Variants in CADM2 observed in about 807,000 individuals in gnomAD.
The protein encoded by CADM2 is cell adhesion molecule 2.
In CADM2, 12 loss-of-function variants were observed where a neutral mutation model predicts 49.8. That is an observed-to-expected ratio of 0.24 (90% CI 0.15 to 0.39). The LOEUF is 0.39. Ranked by LOEUF, CADM2 falls within the 10% of genes least tolerant of loss-of-function variation. CADM2 has a pLI of 1.00. For missense variants in CADM2, 378 were observed against 492.3 expected (o/e 0.77, Z 2.20); for synonymous variants, 214 against 175.4 (o/e 1.22, Z -1.74).
chr3:85,157,183 T>C (rs1403333672), intron 1 of CADM2, among the ~76,000 whole-genome samples: 2 of 151,894 alleles, frequency 1.3e-5, no homozygotes, highest in Non-Finnish European at 2.9e-5. Context: ...CTCAAGGAAA[T>C]AAAAGAGGAT....
intron 3 of CADM2, among the ~76,000 whole-genome samples, chr3:85,843,933 G>A (rs1160660557): frequency 2.6e-5 from 4 of 151,936 alleles, no homozygotes; most frequent in African/African-American, 9.7e-5. Flanking sequence ...CAAACCTGAT[G>A]CTCTTAGTTT....
At chr3:85,079,244 C>T (rs1485078367) in intron 1 of CADM2, among the ~76,000 whole-genome samples, 2 of 151,688 alleles carry the variant, frequency 1.3e-5, no homozygotes, top group Non-Finnish European at 3.0e-5. Context: ...TGCCAATGCA[C>T]ATATTATACT....
intron 1 of CADM2, among the ~76,000 whole-genome samples, chr3:85,464,508 T>C (rs1193704083): frequency 6.6e-6 from 1 of 152,160 alleles, no homozygotes; most frequent in Non-Finnish European, 1.5e-5. Flanking sequence ...AGTTGACATT[T>C]CAAAAATGTG....
chr3:85,360,896 G>C (rs1315532415), intron 1 of CADM2, among the ~76,000 whole-genome samples: 1 of 152,128 alleles, frequency 6.6e-6, no homozygotes, highest in Non-Finnish European at 1.5e-5. Flanking sequence ...CAGCTACAGG[G>C]AACCATCAGC....
chr3:85,242,019 A>G (rs2042541991), intron 1 of CADM2, among the ~76,000 whole-genome samples: 1 of 150,294 alleles, frequency 6.7e-6, no homozygotes, highest in South Asian at 2.1e-4. Context: ...TAGTCAAAAC[A>G]TCTTATTTCT....
chr3:85,548,843 G>T (rs1330003395), intron 1 of CADM2, among the ~76,000 whole-genome samples: 2 of 152,138 alleles, frequency 1.3e-5, no homozygotes, highest in Non-Finnish European at 2.9e-5. Context: ...GAAGGAGAAA[G>T]GTGTCTAATA....
At chr3:85,767,075 A>C (rs62261703) in intron 2 of CADM2, among the ~76,000 whole-genome samples, 12 of 152,220 alleles carry the variant, frequency 7.9e-5, no homozygotes, top group Non-Finnish European at 1.8e-4. Context: ...TATTCAATAC[A>C]CTTTACCCAA....
intron 1 of CADM2, among the ~76,000 whole-genome samples, chr3:85,412,947 C>T (rs2035725193): frequency 6.6e-6 from 1 of 151,400 alleles, no homozygotes. Flanking sequence ...CTAGACCATC[C>T]TGGCTAACAC....
Position 85,932,099 on chromosome 3 carries a change from G to C in CADM2, c.701-3668G>C, listed in dbSNP as rs543080312. Among the ~76,000 whole-genome samples, 82 of 151,474 alleles carry C rather than the reference G, an allele frequency of 5.4e-4. 1 individual carries two copies. Among genetic ancestry groups the C allele is most frequent in the Admixed American group, 7.9e-4 (12 of 15,116 alleles). On this transcript the variant is annotated intron_variant, in intron 6 of 9. Coordinates refer to ENST00000383699, the MANE Select transcript of CADM2 (RefSeq NM_001167675.2). ...GACCATTTACTATTTTGGCAAACTA[G>C]ATTAAAATAGTGGCTGTGGAACTAT...
At chr3:85,334,572 A>G (rs2045025846) in intron 1 of CADM2, among the ~76,000 whole-genome samples, 1 of 151,620 alleles carries the variant, frequency 6.6e-6, no homozygotes, top group South Asian at 2.1e-4. Context: ...TGGGTAATCA[A>G]CTTGACCTTA....
intron 1 of CADM2, among the ~76,000 whole-genome samples, chr3:85,046,827 T>G (rs1375823446): frequency 6.6e-6 from 1 of 152,114 alleles, no homozygotes; most frequent in Non-Finnish European, 1.5e-5. Flanking sequence ...ATTCATTACA[T>G]GTAAAGACTG....
At chr3:85,049,085 T>C (rs2035777138) in intron 1 of CADM2, among the ~76,000 whole-genome samples, 1 of 152,136 alleles carries the variant, frequency 6.6e-6, no homozygotes, top group African/African-American at 2.4e-5. Flanking sequence ...TGGTTAATTG[T>C]ATCATGTGGT....
At chr3:85,026,991 C>T (rs1479081662) in intron 1 of CADM2, among the ~76,000 whole-genome samples, 1 of 151,512 alleles carries the variant, frequency 6.6e-6, no homozygotes, top group Non-Finnish European at 1.5e-5. Context: ...TAGTTTTTCA[C>T]GACATGTCTT....
chr3:86,049,629 C>T (rs115784745), intron 8 of CADM2, among the ~76,000 whole-genome samples: 5,255 of 152,076 alleles, frequency 0.035, 181 homozygotes, highest in African/African-American at 0.085. Flanking sequence ...ACGAGAAATG[C>T]GATGCTGCCA....
chr3:85,328,370 T>A (rs2044813615), intron 1 of CADM2, among the ~76,000 whole-genome samples: 1 of 152,240 alleles, frequency 6.6e-6, no homozygotes, highest in Non-Finnish European at 1.5e-5. Context: ...TTCATTTAAA[T>A]ACATAAATCT....
At chr3:85,417,421 C>G (rs2035965646) in intron 1 of CADM2, among the ~76,000 whole-genome samples, 1 of 152,122 alleles carries the variant, frequency 6.6e-6, no homozygotes, top group Non-Finnish European at 1.5e-5. Context: ...GTACTTGGCT[C>G]TTCTTTGGGA....
At chr3:85,414,553 T>A (rs1291421890) in intron 1 of CADM2, among the ~76,000 whole-genome samples, 1 of 152,172 alleles carries the variant, frequency 6.6e-6, no homozygotes, top group African/African-American at 2.4e-5. Flanking sequence ...TGATTTTTTT[T>A]AAACATTTAT....
At chr3:85,456,599 T>G (rs1036613080) in intron 1 of CADM2, among the ~76,000 whole-genome samples, 1 of 151,858 alleles carries the variant, frequency 6.6e-6, no homozygotes, top group African/African-American at 2.4e-5. Flanking sequence ...TATCATCTAC[T>G]TCTCTTGAAC....
Position 85,239,562 on chromosome 3 carries a change from C to A in CADM2, c.61+279894C>A, listed in dbSNP as rs572940212. Among the ~76,000 whole-genome samples, 5 of 151,576 alleles carry A rather than the reference C, an allele frequency of 3.3e-5. No individual in the cohort carries two copies. In the South Asian group the frequency reaches 1.0e-3, roughly 32 times the overall value. On this transcript the variant is annotated intron_variant, in intron 1 of 9. Transcript: ENST00000383699. ...ACTAAATCTACATCAAATGCAGAAA[C>A]TTAAATGTAACTTAATGTTTCACAT...
Sources: gnomAD v4.1 joint callset for allele counts (sites outside exome capture counted in the v4.1 genomes callset) on GRCh38, gnomAD v4.1.1 for gene constraint, MANE v1.5 for transcripts, NCBI Gene and HGNC (gene_info 2026-07-23, HGNC 2026-07-21) for gene names.